Variants in MBD5 observed in about 807,000 individuals in gnomAD.
The protein encoded by MBD5 is methyl-CpG binding domain protein 5, also known as methyl-CpG-binding domain protein 5.
In MBD5, 13 loss-of-function variants were observed where a neutral mutation model predicts 117.3. That is an observed-to-expected ratio of 0.11 (90% confidence interval 0.07 to 0.18). MBD5 has a LOEUF of 0.18. MBD5 is among the 10% of genes least tolerant of loss of function. MBD5 has a pLI of 1.00. For synonymous variants in MBD5, 727 were observed against 766.4 expected (o/e 0.95, Z 0.85); for missense variants, 1,879 against 2,093.8 (o/e 0.90, Z 2.00).
At chr2:148,497,872 T>G (rs907662080) in intron 11 of MBD5, among the ~76,000 whole-genome samples, 37 of 152,268 alleles carry the variant, frequency 2.4e-4, no homozygotes, top group Non-Finnish European at 3.7e-4. Flanking sequence ...CAGTGGCCCT[T>G]TGACTGCTTT....
At chr2:148,345,801 G>C (rs1275877746) in intron 4 of MBD5, among the ~76,000 whole-genome samples, 1 of 151,594 alleles carries the variant, frequency 6.6e-6, no homozygotes, top group Non-Finnish European at 1.5e-5. Context: ...AGGAGAGCCA[G>C]TATGAGTCTC....
At chr2:148,416,604 G>GT (rs1705427719) in intron 4 of MBD5, among the ~76,000 whole-genome samples, 2 of 152,056 alleles carry the variant, frequency 1.3e-5, no homozygotes, top group Admixed American at 6.6e-5. Flanking sequence ...TTGCTTTTCG[G>GT]TTTTTTATAT....
intron 3 of MBD5, among the ~76,000 whole-genome samples, chr2:148,332,681 C>G (rs931850587): frequency 3.3e-5 from 5 of 152,074 alleles, no homozygotes; most frequent in African/African-American, 1.2e-4. Context: ...TCTGTTTTAT[C>G]TATTTTTCGT....
At chr2:148,195,404 G>C (rs1173931398) in intron 2 of MBD5, among the ~76,000 whole-genome samples, 1 of 151,932 alleles carries the variant, frequency 6.6e-6, no homozygotes, top group Admixed American at 6.6e-5. Context: ...AATATATGAA[G>C]CAAAAACTGG....
intron 1 of MBD5, among the ~76,000 whole-genome samples, chr2:148,142,064 A>G (rs1034637604): frequency 6.6e-6 from 1 of 152,172 alleles, no homozygotes; most frequent in African/African-American, 2.4e-5. Context: ...TAGGACAAAA[A>G]AACCGAAGCG....
intron 4 of MBD5, among the ~76,000 whole-genome samples, chr2:148,421,905 T>C (rs1044291124): frequency 6.6e-6 from 1 of 152,186 alleles, no homozygotes; most frequent in Non-Finnish European, 1.5e-5. Context: ...GGGCAGGGCA[T>C]CTCTGAAAGA....
intron 3 of MBD5, among the ~76,000 whole-genome samples, chr2:148,282,423 C>A (rs1197335493): frequency 6.6e-6 from 1 of 152,088 alleles, no homozygotes; most frequent in African/African-American, 2.4e-5. Context: ...TTGCTTCCTG[C>A]ATGACTCATC....
At chr2:148,382,655 C>A (rs926858990) in intron 4 of MBD5, among the ~76,000 whole-genome samples, 4 of 152,190 alleles carry the variant, frequency 2.6e-5, no homozygotes, top group African/African-American at 9.7e-5. Flanking sequence ...AATATACATT[C>A]TTTTCAGTAC....
At chr2:148,305,839 T>C (rs1701877611) in intron 3 of MBD5, among the ~76,000 whole-genome samples, 1 of 152,142 alleles carries the variant, frequency 6.6e-6, no homozygotes, top group South Asian at 2.1e-4. Flanking sequence ...TCCCGTCCAG[T>C]TTACAAGTAT....
intron 8 of MBD5, among the ~76,000 whole-genome samples, chr2:148,477,208 A>G (rs1194479711): frequency 6.6e-6 from 1 of 152,108 alleles, no homozygotes; most frequent in Non-Finnish European, 1.5e-5. Flanking sequence ...AGTCATAACT[A>G]CACAGACATC....
intron 2 of MBD5, among the ~76,000 whole-genome samples, chr2:148,209,819 C>G (rs1699376829): frequency 6.6e-6 from 1 of 152,022 alleles, no homozygotes; most frequent in African/African-American, 2.4e-5. Context: ...TTTTAAACAA[C>G]CATATTTCAC....
intron 4 of MBD5, among the ~76,000 whole-genome samples, chr2:148,358,706 G>C (rs1186833086): frequency 6.6e-6 from 1 of 151,972 alleles, no homozygotes; most frequent in Non-Finnish European, 1.5e-5. Context: ...CGCTTGAGGT[G>C]GGGGTTGGGG....
chr2:148,294,128 C>T (rs1701570741), intron 3 of MBD5, among the ~76,000 whole-genome samples: 1 of 150,752 alleles, frequency 6.6e-6, no homozygotes, highest in South Asian at 2.1e-4. Context: ...TAAATTTTCT[C>T]AGTTTCAGTT....
intron 3 of MBD5, among the ~76,000 whole-genome samples, chr2:148,311,132 G>A (rs557550441): frequency 2.0e-5 from 3 of 152,262 alleles, no homozygotes; most frequent in East Asian, 3.9e-4. Flanking sequence ...GTTGATTTGG[G>A]GTAGAGAGTT....
intron 4 of MBD5, among the ~76,000 whole-genome samples, chr2:148,393,707 A>G (rs889466570): frequency 1.5e-4 from 23 of 152,144 alleles, no homozygotes; most frequent in African/African-American, 5.3e-4. Context: ...GTCTCTTCTC[A>G]CTTTATCCTG....
chr2:148,399,195 C>T (rs1196997697), intron 4 of MBD5, among the ~76,000 whole-genome samples: 1 of 152,168 alleles, frequency 6.6e-6, no homozygotes, highest in Non-Finnish European at 1.5e-5. Context: ...TGAAGAAAGT[C>T]ATTGGTAGCT....
At chr2:148,162,162 T>C (rs931404901) in intron 1 of MBD5, among the ~76,000 whole-genome samples, 3 of 152,226 alleles carry the variant, frequency 2.0e-5, no homozygotes, top group African/African-American at 7.2e-5. Context: ...CTTTGGCCCT[T>C]ACTTAGCCAA....
rs960806861 is a variant in MBD5 at position 148,062,914 on chromosome 2, A to G, written c.-925+41230A>G. Among the ~76,000 whole-genome samples the G allele has an allele frequency of 1.3e-5, 2 of 152,102 alleles. 1 individual carries two copies. The highest frequency in any genetic ancestry group is 4.8e-5 in the African/African-American group (2 of 41,464). On this transcript the variant is annotated intron_variant, in intron 1 of 13. Transcript: ENST00000642680. The stretch of plus-strand genomic sequence containing the variant: ...TTACATAGCTATAACCACCATCCTC[A>G]TTAACACAATAAAGTACAACCAAGA...
intron 1 of MBD5, among the ~76,000 whole-genome samples, chr2:148,057,556 G>A (rs890270072): frequency 6.6e-6 from 1 of 151,398 alleles, no homozygotes; most frequent in African/African-American, 2.4e-5. Flanking sequence ...ATGGCATTGT[G>A]GTCATGGAAT....
Sources: allele counts gnomAD v4.1 joint callset (sites outside exome capture counted in the v4.1 genomes callset), GRCh38; gene constraint gnomAD v4.1.1; transcripts MANE v1.5; gene names NCBI Gene and HGNC (gene_info 2026-07-23, HGNC 2026-07-21).